DLD: variants seen among roughly 807,000 people sequenced by gnomAD.
DLD encodes dihydrolipoyl dehydrogenase, mitochondrial.
In DLD, 36 loss-of-function variants were observed where a neutral mutation model predicts 62.2. The observed-to-expected ratio is 0.58, with a 90% CI of 0.44 to 0.76. The LOEUF (loss-of-function observed/expected upper bound fraction) is 0.76. DLD is among the 30% of genes least tolerant of loss of function. DLD has a pLI of 0.00. For missense variants in DLD, 541 were observed against 608.6 expected, an observed-to-expected ratio of 0.89 and a Z score of 1.17; for synonymous variants, 204 against 199.6, an observed-to-expected ratio of 1.02 and a Z score of -0.19.
intron 3 of DLD, among the ~76,000 whole-genome samples, chr7:107,902,029 G>A (rs1429700662): frequency 2.0e-5 from 3 of 152,158 alleles, no homozygotes; most frequent in Non-Finnish European, 2.9e-5. Context: ...TCTCTTCCCA[G>A]TACTTTTCAT....
chr7:107,893,215 C>T lies in DLD; in HGVS notation c.55C>T (p.Arg19Ter). 6.2e-7 allele frequency: 1 copy of T among 1,613,362 alleles called. No individual in the cohort carries two copies. Among genetic ancestry groups the T allele is most frequent in the Non-Finnish European group, 8.5e-7 (1 of 1,179,602 alleles). Residue 19 changes from arginine (R) to a stop codon, truncating the protein, a stop_gained, in exon 2 of 14, where the codon CGA becomes TGA. Coordinates refer to ENST00000205402, the MANE Select transcript of DLD (RefSeq NM_000108.5). LOFTEE classifies it high-confidence loss of function. ...CTTTTTCTAGAGAGGCCATTTCAAT[C>T]GAATATCTCATGGCCTACAGGGACT... ...CSLAKRGHFN[R>*]ISHGLQGLSA...
chr7:107,897,162 C>A (rs1450945563), intron 2 of DLD, among the ~76,000 whole-genome samples: 1 of 152,128 alleles, frequency 6.6e-6, no homozygotes, highest in Non-Finnish European at 1.5e-5. Context: ...TTTATTTTGA[C>A]ATGTGCCTCT....
chr7:107,908,543 C>CTGTAG (rs1425177928), intron 8 of DLD, among the ~76,000 whole-genome samples: 1 of 151,706 alleles, frequency 6.6e-6, no homozygotes, highest in Non-Finnish European at 1.5e-5. Context: ...TGGTGTGTGC[C>CTGTAG]TGTAGTCCCA....
At chr7:107,902,422 A>G (rs1289541270) in intron 4 of DLD, 29 bp downstream of exon 4, 1 of 1,606,756 alleles carries the variant, frequency 6.2e-7, no homozygotes, top group Admixed American at 1.7e-5. Flanking sequence ...CAGCACAGAG[A>G]TTGTTTTTGG....
intron 8 of DLD, among the ~76,000 whole-genome samples, chr7:107,913,272 G>A (rs1223449608): frequency 6.6e-6 from 1 of 151,672 alleles, no homozygotes; most frequent in African/African-American, 2.4e-5. Flanking sequence ...TACTTTGGCA[G>A]TTGAATATCA....
intron 2 of DLD, among the ~76,000 whole-genome samples, chr7:107,899,400 G>C (rs2031819002): frequency 6.6e-6 from 1 of 151,116 alleles, no homozygotes. Flanking sequence ...ATAGTGAATA[G>C]GGAAGTAAAA....
intron 11 of DLD, 73 bp downstream of exon 11, chr7:107,917,535 A>G (rs2032299581): frequency 2.2e-6 from 3 of 1,369,448 alleles, no homozygotes; most frequent in East Asian, 4.6e-5. Context: ...GAGAAACAGC[A>G]TTTTATCATT....
At chr7:107,911,897 C>A (rs984764671) in intron 8 of DLD, among the ~76,000 whole-genome samples, 3 of 151,892 alleles carry the variant, frequency 2.0e-5, no homozygotes, top group Admixed American at 2.0e-4. Context: ...CTATAGTCAA[C>A]CCTGCATTAA....
chr7:107,901,097 T>C (rs1394155879), intron 2 of DLD, among the ~76,000 whole-genome samples: 1 of 152,162 alleles, frequency 6.6e-6, no homozygotes, highest in Non-Finnish European at 1.5e-5. Context: ...ATGTAAAAAT[T>C]ATCAATATGC....
Position 107,915,595 on chromosome 7 carries a change from T to G in DLD, c.774T>G (p.Ser258=). 6.2e-7 allele frequency: 1 copy of G among 1,613,876 alleles called. No homozygotes were observed. The highest frequency in any genetic ancestry group is 8.5e-7 in the Non-Finnish European group (1 of 1,179,854). The change falls in exon 9 of 14, where the codon TCT becomes TCG. Residue 258 remains serine (S), a synonymous_variant. Coordinates refer to ENST00000205402, the MANE Select transcript of DLD (RefSeq NM_000108.5). The part of the protein sequence containing the change: ...VGGVGIDMEI[S]KNFQRILQKQ... ...GAGTTGGAATTGATATGGAGATATC[T>G]AAAAACTTTCAACGCATCCTTCAAA...
chr7:107,899,118 A>C (rs1162624437), intron 2 of DLD, among the ~76,000 whole-genome samples: 1 of 152,092 alleles, frequency 6.6e-6, no homozygotes, highest in Non-Finnish European at 1.5e-5. Flanking sequence ...TTACAGTACC[A>C]CATATGTGCT....
At chr7:107,917,813 C>A (rs768206356) in intron 11 of DLD, 111 bp from the exon 12 acceptor site, 2 of 1,420,120 alleles carry the variant, frequency 1.4e-6, no homozygotes, top group Non-Finnish European at 2.0e-6. Context: ...ATGTGCTTTG[C>A]GAACAATTCC....
At chr7:107,904,495 T>G (rs529157958) in intron 5 of DLD, among the ~76,000 whole-genome samples, 17 of 152,348 alleles carry the variant, frequency 1.1e-4, no homozygotes, top group African/African-American at 3.4e-4. Flanking sequence ...CTGAGTTGAA[T>G]GAGTGATTAA....
chr7:107,895,442 A>G (rs2031696061), intron 2 of DLD, among the ~76,000 whole-genome samples: 1 of 152,244 alleles, frequency 6.6e-6, no homozygotes, highest in African/African-American at 2.4e-5. Context: ...TGTTGATGTG[A>G]CGTTTTATTT....
At chr7:107,891,424 T>C in intron 1 of DLD, 135 bp downstream of exon 1, 1 of 978,988 alleles carries the variant, frequency 1.0e-6, no homozygotes, top group Non-Finnish European at 1.6e-6. Flanking sequence ...GCCCCGCCTC[T>C]GCACTGGCTC....
At chr7:107,893,305 T>TC in intron 2 of DLD, 27 bp downstream of exon 2, 3 of 1,559,042 alleles carry the variant, frequency 1.9e-6, no homozygotes, top group Non-Finnish European at 2.6e-6. Context: ...AACATTTTTT[T>TC]CATCACATTA....
chr7:107,914,127 G>T (rs1452690707), intron 8 of DLD, among the ~76,000 whole-genome samples: 4 of 151,924 alleles, frequency 2.6e-5, no homozygotes, highest in Admixed American at 1.3e-4. Context: ...ATTCATTGTG[G>T]TTTTAACTTA....
intron 3 of DLD, among the ~76,000 whole-genome samples, chr7:107,902,081 T>C (rs1044339905): frequency 6.6e-6 from 1 of 151,504 alleles, no homozygotes; most frequent in African/African-American, 2.5e-5. Flanking sequence ...GTGATAGAAC[T>C]AAAAGCATAT....
intron 2 of DLD, among the ~76,000 whole-genome samples, chr7:107,897,574 C>CTTTTTT (rs35546358): frequency 1.8e-5 from 2 of 111,352 alleles, no homozygotes; most frequent in African/African-American, 3.5e-5. Context: ...TGTAGACTGA[C>CTTTTTT]TTTTTTTTTT....
Sources: allele counts gnomAD v4.1 joint callset (sites outside exome capture counted in the v4.1 genomes callset), GRCh38; gene constraint gnomAD v4.1.1; transcripts MANE v1.5; gene names NCBI Gene and HGNC (gene_info 2026-07-23, HGNC 2026-07-21).